Variants in PKN3 observed in about 807,000 individuals in gnomAD.
PKN3 encodes the protein protein kinase N3, also known as serine/threonine-protein kinase N3.
PKN3 carries 91 observed loss-of-function variants against 113.1 expected under a neutral mutation model. The ratio of observed to expected loss-of-function variants is 0.80; its 90% CI spans 0.68 to 0.96. PKN3 has a LOEUF of 0.96. Among genes scored for constraint, PKN3 ranks in the 40% least tolerant of loss-of-function variants. The probability of loss-of-function intolerance (pLI) is 0.00; values close to 1 mark genes in which losing one functional copy is unlikely to be tolerated. For synonymous variants in PKN3, 467 were observed against 499.0 expected (o/e 0.94, Z 0.85); for missense variants, 1,052 against 1,202.2 (o/e 0.88, Z 1.85).
chr9:128,704,479 A>T (rs1238660817), intron 1 of PKN3, among the ~76,000 whole-genome samples: 1 of 152,066 alleles, frequency 6.6e-6, no homozygotes. Flanking sequence ...CCTGGACTCT[A>T]CTTTGGGTCC....
At chr9:128,706,871 C>T (rs1237745072) in intron 4 of PKN3, 25 bp from the exon 5 acceptor site, 1 of 1,613,842 alleles carries the variant, frequency 6.2e-7, no homozygotes, top group African/African-American at 1.3e-5. Flanking sequence ...AGAGCAGGGC[C>T]TGAGAGCCGC....
intron 16 of PKN3, 35 bp from the exon 17 acceptor site, chr9:128,718,290 C>T: frequency 6.3e-7 from 1 of 1,592,322 alleles, no homozygotes; most frequent in Non-Finnish European, 8.6e-7. Context: ...TGGTGTGTGT[C>T]TTGGGCCTGA....
chr9:128,711,375 C>T (rs1304573437), intron 6 of PKN3, among the ~76,000 whole-genome samples: 4 of 130,104 alleles, frequency 3.1e-5, no homozygotes, highest in East Asian at 4.7e-4. Flanking sequence ...GGTGTGATTT[C>T]GGCTCACTGC....
At chr9:128,718,430 G>A (rs1162332106) in intron 17 of PKN3, 43 bp downstream of exon 17, 1 of 1,564,160 alleles carries the variant, frequency 6.4e-7, no homozygotes, top group South Asian at 1.1e-5. Context: ...GGGTGGGGGT[G>A]GGGGTGGAGT....
Position 128,718,305 on chromosome 9 carries a change from T to G in PKN3, c.1986-20T>G, listed in dbSNP as rs1327834675. The G allele has an allele frequency of 4.2e-5, 68 of 1,611,508 alleles. No individual in the cohort carries two copies. The East Asian group carries it at 1.5e-3, about 36-fold the overall frequency. On this transcript the variant is annotated intron_variant, in intron 16 of 21. Transcript: ENST00000291906. ...TGGTGTGTGTCTTGGGCCTGAGTTCTCCCATAACCACCCCTGCAGCTTCTA... is the reference window on the plus strand; with the variant it reads ...TGGTGTGTGTCTTGGGCCTGAGTTCGCCCATAACCACCCCTGCAGCTTCTA...
Position 128,720,526 on chromosome 9 carries a change from C to A in PKN3, c.2590C>A (p.Pro864Thr). The A allele has an allele frequency of 6.2e-7, 1 of 1,613,448 alleles. No homozygotes were observed. The highest frequency in any genetic ancestry group is 1.6e-4 in the Middle Eastern group (1 of 6,062). ...GCCGCCTGCCCTGACCCCACCTGCA[C>A]CCCACAGCCTCCTCACTGCCCGCCA... ...GLPPALTPPA[P>T]HSLLTARQQA... Residue 864 changes from proline to threonine, a missense_variant, in exon 22 of 22, where the codon CCC becomes ACC. Pro to Thr is a conservative substitution (Grantham distance 38). This residue lies in a region of PKN3 where 333 missense variants were observed against 442.8 expected (regional missense o/e 0.75). Transcript: ENST00000291906. This position sits in a 1 kb window ranked among gnomAD's most constrained non-coding sequence, Gnocchi z 5.5.
chr9:128,720,123 G>T lies in PKN3; in HGVS notation c.2377-80G>T. On this transcript the variant is annotated intron_variant, in intron 20 of 21. Transcript: ENST00000291906. This position sits in a 1 kb window ranked among gnomAD's most constrained non-coding sequence, Gnocchi z 5.5. ...TGCCACCCATCCTTAGAGCGCTCTG[G>T]GCCAGCGTGCTTGGGGCCTGTGGAT... 6.5e-7 allele frequency: 1 copy of T among 1,546,402 alleles called. No individual in the cohort carries two copies. The highest frequency in any genetic ancestry group is 8.9e-7 in the Non-Finnish European group (1 of 1,122,520).
chr9:128,720,826 G>A lies in PKN3; in HGVS notation c.*220G>A, dbSNP rs1287373425. The A allele has an allele frequency of 5.0e-6, 3 of 600,258 alleles. No individual in the cohort carries two copies. The highest frequency in any genetic ancestry group is 8.9e-6 in the Non-Finnish European group (3 of 338,566). The allele number at this position is 600,258 out of a possible 1,614,324, so 37.2% of individuals were successfully genotyped here. A position where few individuals can be genotyped will look rare whatever the true frequency, so the allele number is the denominator to read the frequency against. ...AGCTCGCCCTCTTCTACCTCCCAGC[G>A]AGACCTGGCCCAGAAAGGGTGCCGC... On this transcript the variant is annotated 3_prime_UTR_variant, in exon 22 of 22. Coordinates refer to ENST00000291906, the MANE Select transcript of PKN3 (RefSeq NM_013355.5). This position sits in a 1 kb window ranked among gnomAD's most constrained non-coding sequence, Gnocchi z 5.5.
Position 128,705,736 on chromosome 9 carries a change from C to A in PKN3, c.268C>A (p.Pro90Thr). ...GTGCTCGATACCCCCGTGCACAGAGCCTGTGGCCTCAGGACCCCGGCCGTG... is the reference window on the plus strand; with the variant it reads ...GTGCTCGATACCCCCGTGCACAGAGACTGTGGCCTCAGGACCCCGGCCGTG... Reference protein sequence around the residue: ...LPGPGPGPAEPVASGPRPWAE... With the variant: ...LPGPGPGPAETVASGPRPWAE... Residue 90 changes from proline to threonine, a missense_variant and splice_region_variant, in exon 3 of 22, where the codon CCT becomes ACT. This residue lies in a region of PKN3 where 719 missense variants were observed against 759.4 expected (regional missense o/e 0.95). Transcript: ENST00000291906. 1 of 1,603,618 alleles carries A rather than the reference C, an allele frequency of 6.2e-7. No homozygotes were observed. The highest frequency in any genetic ancestry group is 1.1e-5 in the South Asian group (1 of 88,946).
Position 128,719,929 on chromosome 9 carries a change from C to T in PKN3, c.2288C>T (p.Thr763Ile). The T allele has an allele frequency of 6.2e-7, 1 of 1,614,122 alleles. No individual in the cohort carries two copies. Among genetic ancestry groups the T allele is most frequent in the Non-Finnish European group, 8.5e-7 (1 of 1,179,996 alleles). Residue 763 changes from threonine to isoleucine, a missense_variant, in exon 20 of 22, where the codon ACA (threonine) becomes ATA (isoleucine). Thr to Ile is a moderately conservative substitution (Grantham distance 89). Around this residue, in one of 2 missense-constraint regions of PKN3, gnomAD observed 333 missense variants for 442.8 expected, o/e 0.75. Coordinates refer to ENST00000291906, the MANE Select transcript of PKN3 (RefSeq NM_013355.5). ...LVGECPFPGD[T>I]EEEVFDCIVN... ...CCACAGTGCCCGTTCCCAGGGGACA[C>T]AGAGGAAGAGGTGTTTGACTGCATC...
In PKN3 at chr9:128,715,538, G is replaced by A; in HGVS notation, c.1808+78G>A. 8.8e-7 allele frequency: 1 copy of A among 1,131,230 alleles called. No homozygotes were observed. The highest frequency in any genetic ancestry group is 1.3e-6 in the Non-Finnish European group (1 of 756,346). The allele number at this position is 1,131,230 out of a possible 1,614,324, so 70.1% of individuals were successfully genotyped here. A position where few individuals can be genotyped will look rare whatever the true frequency, so the allele number is the denominator to read the frequency against. ...CCAGAGGGCAGTTGAAGGTTCCTGG[G>A]GCTTTGGAGAGGTGACCCCGTGGGG... On this transcript the variant is annotated intron_variant, in intron 15 of 21. Transcript: ENST00000291906. This position sits in a 1 kb window ranked among gnomAD's most constrained non-coding sequence, Gnocchi z 4.1.
At chr9:128,711,890 C>T (rs995029119) in intron 6 of PKN3, among the ~76,000 whole-genome samples, 21 of 140,006 alleles carry the variant, frequency 1.5e-4, no homozygotes, top group African/African-American at 5.1e-4. Flanking sequence ...TGAGCCACCA[C>T]GCCCGGCCTC....
Position 128,706,574 on chromosome 9 carries a change from G to T in PKN3, c.412-139G>T, listed in dbSNP as rs964621154. ...TGACCCACCAACTAGTCCAACAAGGGAGGCTTGACTTTAGTGTTTGGCCTA... is the reference window on the plus strand; with the variant it reads ...TGACCCACCAACTAGTCCAACAAGGTAGGCTTGACTTTAGTGTTTGGCCTA... On this transcript the variant is annotated intron_variant, in intron 3 of 21. Coordinates refer to ENST00000291906, the MANE Select transcript of PKN3 (RefSeq NM_013355.5). The T allele has an allele frequency of 4.7e-6, 3 of 643,838 alleles. No individual in the cohort carries two copies. In the South Asian group the frequency reaches 6.8e-5, roughly 15 times the overall value. The allele number at this position is 643,838 out of a possible 1,614,324, so 39.9% of individuals were successfully genotyped here.
At chr9:128,718,250 C>T (rs1290905713) in intron 16 of PKN3, 75 bp from the exon 17 acceptor site, 4 of 1,150,570 alleles carry the variant, frequency 3.5e-6, no homozygotes, top group African/African-American at 1.5e-5. Flanking sequence ...CCCGCTATGG[C>T]CATCCTGGTG....
At position 128,715,045 on chromosome 9, in the gene PKN3, C is replaced by T; in HGVS notation, c.1653-127C>T. On this transcript the variant is annotated intron_variant, in intron 13 of 21. Coordinates refer to ENST00000291906, the MANE Select transcript of PKN3 (RefSeq NM_013355.5). This position sits in a 1 kb window ranked among gnomAD's most constrained non-coding sequence, Gnocchi z 4.1. ...CTATGCCGGCTTCTAGGAGTCCTTA[C>T]TGCAGGGCTTTTTCGAGCCCATAGG... 1.8e-6 allele frequency: 2 copies of T among 1,127,814 alleles called. No individual in the cohort carries two copies. The highest frequency in any genetic ancestry group is 2.6e-6 in the Non-Finnish European group (2 of 755,050). 69.9% of individuals were successfully genotyped at this position (1,127,814 alleles called of 1,614,324 possible). A position where few individuals can be genotyped will look rare whatever the true frequency, so the allele number is the denominator to read the frequency against.
At chr9:128,704,410 C>A (rs946261119) in intron 1 of PKN3, among the ~76,000 whole-genome samples, 1 of 152,308 alleles carries the variant, frequency 6.6e-6, no homozygotes, top group South Asian at 2.1e-4. Context: ...CTCCCAGGCC[C>A]CTGGCTGCCT....
Position 128,719,977 on chromosome 9 carries a change from C to T in PKN3, c.2336C>T (p.Pro779Leu). ...DCIVNMDAPYPGFLSVQGLEF... is the reference protein window; with the variant it reads ...DCIVNMDAPYLGFLSVQGLEF... The stretch of plus-strand genomic sequence containing the variant: ...ATCGTCAACATGGACGCCCCCTACC[C>T]CGGCTTTCTGTCGGTGCAAGGGCTT... Residue 779 changes from proline to leucine, a missense_variant, in exon 20 of 22, where the codon CCC becomes CTC. Physicochemically the swap from Pro to Leu is moderately conservative, Grantham distance 98. Transcript: ENST00000291906. 1 of 1,614,150 alleles carries T rather than the reference C, an allele frequency of 6.2e-7. No individual in the cohort carries two copies. Among genetic ancestry groups the T allele is most frequent in the East Asian group, 2.2e-5 (1 of 44,886 alleles).
At chr9:128,704,560 C>G (rs1490143016) in intron 1 of PKN3, among the ~76,000 whole-genome samples, 1 of 152,186 alleles carries the variant, frequency 6.6e-6, no homozygotes, top group African/African-American at 2.4e-5. Context: ...ATGGTGGCCC[C>G]TCCTCTGTGT....
intron 1 of PKN3, 84 bp downstream of exon 1, chr9:128,703,023 T>G: frequency 2.1e-6 from 2 of 959,134 alleles, no homozygotes; most frequent in Non-Finnish European, 2.9e-6. Context: ...CCGCGGCCGC[T>G]TCCCCCGATC....
Sources: allele counts gnomAD v4.1 joint callset (sites outside exome capture counted in the v4.1 genomes callset), GRCh38; gene constraint gnomAD v4.1.1; regional missense constraint gnomAD v4.1.1; non-coding constraint Gnocchi (gnomAD v3.1); transcripts MANE v1.5; gene names NCBI Gene and HGNC (gene_info 2026-07-23, HGNC 2026-07-21).